The following MCHR2 variants were observed in gnomAD, a reference collection of about 807,000 sequenced individuals.
MCHR2 encodes the protein melanin-concentrating hormone receptor 2.
MCHR2 carries 15 observed loss-of-function variants against 24.8 expected under a neutral mutation model. The ratio of observed to expected loss-of-function variants is 0.60; its 90% CI spans 0.40 to 0.93. MCHR2 has a LOEUF of 0.93. Ranked by LOEUF, MCHR2 falls within the 40% of genes least tolerant of loss-of-function variation. The pLI, the probability that MCHR2 is intolerant of heterozygous loss-of-function variation, is 0.00. For synonymous variants in MCHR2, 151 were observed against 147.6 expected (o/e 1.02, Z -0.17); for missense variants, 386 against 408.7 (o/e 0.94, Z 0.48).
At chr6:99,989,752 T>C (rs1413003702) in intron 1 of MCHR2, among the ~76,000 whole-genome samples, 3 of 152,184 alleles carry the variant, frequency 2.0e-5, no homozygotes, top group Admixed American at 2.0e-4. Flanking sequence ...AGGCTCTCTG[T>C]AAACAACAAA....
At chr6:99,946,604 C>T (rs1261530401) in intron 3 of MCHR2, among the ~76,000 whole-genome samples, 1 of 152,094 alleles carries the variant, frequency 6.6e-6, no homozygotes, top group Non-Finnish European at 1.5e-5. Flanking sequence ...GGCACTGTTA[C>T]ATACACATTT....
chr6:99,970,305 G>A (rs1420719184), intron 1 of MCHR2, among the ~76,000 whole-genome samples: 1 of 152,150 alleles, frequency 6.6e-6, no homozygotes, highest in Non-Finnish European at 1.5e-5. Context: ...TTTCTCTGAT[G>A]GCCAGTGATG....
intron 4 of MCHR2, 43 bp downstream of exon 4, chr6:99,942,906 A>G (rs200258657): frequency 2.6e-6 from 4 of 1,529,200 alleles, no homozygotes; most frequent in Non-Finnish European, 3.6e-6. Flanking sequence ...GAAGTTCTTC[A>G]CAACTTAATT....
chr6:99,975,369 G>T (rs1440401022), intron 1 of MCHR2, among the ~76,000 whole-genome samples: 1 of 152,204 alleles, frequency 6.6e-6, no homozygotes, highest in African/African-American at 2.4e-5. Flanking sequence ...AGGACCCTCT[G>T]AGCCAGGTGC....
intron 5 of MCHR2, among the ~76,000 whole-genome samples, chr6:99,923,672 C>A (rs1222186097): frequency 6.6e-6 from 1 of 151,782 alleles, no homozygotes; most frequent in Admixed American, 6.6e-5. Context: ...TTTAAATGAT[C>A]ATATGTTGAT....
At chr6:99,990,407 A>C (rs896317184) in intron 1 of MCHR2, among the ~76,000 whole-genome samples, 36 of 152,216 alleles carry the variant, frequency 2.4e-4, no homozygotes, top group Non-Finnish European at 3.7e-4. Flanking sequence ...GTGTGTATTC[A>C]TTTACCCTGT....
chr6:99,993,315 C>T (rs1241703267), intron 1 of MCHR2, among the ~76,000 whole-genome samples: 1 of 152,198 alleles, frequency 6.6e-6, no homozygotes, highest in Non-Finnish European at 1.5e-5. Flanking sequence ...ACTAACTTCC[C>T]TAGGGCCACT....
chr6:99,988,975 T>G (rs949018102), intron 1 of MCHR2, among the ~76,000 whole-genome samples: 1 of 152,228 alleles, frequency 6.6e-6, no homozygotes, highest in African/African-American at 2.4e-5. Flanking sequence ...CCAGCCTGAA[T>G]GTCTCCATGA....
rs199738310 is a variant in MCHR2, at chr6:99,921,204, C to T, written c.759G>A (p.Val253=). The T allele has an allele frequency of 6.2e-7, 1 of 1,614,164 alleles. No individual in the cohort carries two copies. The highest frequency in any genetic ancestry group is 8.5e-7 in the Non-Finnish European group (1 of 1,180,020). The change falls in exon 6 of 6, where the codon GTG becomes GTA. Residue 253 remains valine, a synonymous_variant. Transcript: ENST00000281806. ...GGATAAAGACTACCACCAGCACCAGCACCATCTTTGTCAACTTCATCACTC... is the reference window on the plus strand; with the variant it reads ...GGATAAAGACTACCACCAGCACCAGTACCATCTTTGTCAACTTCATCACTC... ...KQRVMKLTKM[V]LVLVVVFILS...
intron 1 of MCHR2, among the ~76,000 whole-genome samples, chr6:99,979,952 C>T (rs1353680947): frequency 2.6e-5 from 4 of 152,182 alleles, no homozygotes; most frequent in Non-Finnish European, 5.9e-5. Context: ...TGGCTTGGCA[C>T]TTTGCTCAAC....
intron 1 of MCHR2, among the ~76,000 whole-genome samples, chr6:99,978,231 C>T (rs1029403562): frequency 1.3e-5 from 2 of 152,150 alleles, no homozygotes; most frequent in Admixed American, 6.5e-5. Context: ...AGAATGTAGA[C>T]TTTCATCTCT....
intron 1 of MCHR2, among the ~76,000 whole-genome samples, chr6:99,960,591 G>C (rs1775165961): frequency 6.6e-6 from 1 of 152,070 alleles, no homozygotes; most frequent in Non-Finnish European, 1.5e-5. Context: ...ATACTACAAG[G>C]CTACAGTAAC....
intron 1 of MCHR2, among the ~76,000 whole-genome samples, chr6:99,981,127 C>G (rs913502612): frequency 2.0e-5 from 3 of 152,152 alleles, no homozygotes; most frequent in Admixed American, 6.5e-5. Flanking sequence ...TTCTAGCTGT[C>G]AATCCTTTTG....
At chr6:99,928,340 C>A (rs543622671) in intron 5 of MCHR2, among the ~76,000 whole-genome samples, 1 of 151,208 alleles carries the variant, frequency 6.6e-6, no homozygotes, top group Non-Finnish European at 1.5e-5. Context: ...ATCAGGATGA[C>A]GCTGGCCTCA....
intron 2 of MCHR2, among the ~76,000 whole-genome samples, chr6:99,954,617 C>T (rs1775025273): frequency 6.6e-6 from 1 of 152,066 alleles, no homozygotes; most frequent in African/African-American, 2.4e-5. Context: ...TGCTTAGTTC[C>T]CCTGAACACA....
rs181648570 is a variant in MCHR2 at position 99,969,124 on chromosome 6, C to T, written c.-27-12950G>A. Among the ~76,000 whole-genome samples the T allele has an allele frequency of 5.2e-3, 786 of 152,246 alleles. 21 individuals carry two copies. The highest frequency in any genetic ancestry group is 0.037 in the Admixed American group (562 of 15,276). On this transcript the variant is annotated intron_variant, in intron 1 of 5. Coordinates refer to ENST00000281806, the MANE Select transcript of MCHR2 (RefSeq NM_001040179.2). ...TTTATAATTGTCTTAAATGTTTCCT[C>T]TAAATACATTTAGAATCACATCAGA...
rs1562124053 is a variant in MCHR2 at position 99,947,761 on chromosome 6, C to A, written c.392+1G>T. On this transcript the variant is annotated splice_donor_variant, in intron 3 of 5. Transcript: ENST00000281806. LOFTEE classifies it high-confidence loss of function. ...AAGATATTTCAAAGTCTTTCACTTACCTGTCCACACTCATTACAGTCATGA... is the reference window on the plus strand; with the variant it reads ...AAGATATTTCAAAGTCTTTCACTTAACTGTCCACACTCATTACAGTCATGA... 4 of 1,612,784 alleles carry A rather than the reference C, an allele frequency of 2.5e-6. No individual in the cohort carries two copies. The highest frequency in any genetic ancestry group is 3.4e-6 in the Non-Finnish European group (4 of 1,179,424).
Position 99,920,931 on chromosome 6 carries a change from T to C in MCHR2, c.*9A>G, listed in dbSNP as rs201596558. 1.5e-5 allele frequency: 24 copies of C among 1,612,510 alleles called. No homozygotes were observed. Among genetic ancestry groups the C allele is most frequent in the Non-Finnish European group, 2.0e-5 (24 of 1,178,992 alleles). ...TCATGTCTAGACTCATGGTGATCCA[T>C]GTACTTTCCTAAAAGTGTGATTTCA... On this transcript the variant is annotated 3_prime_UTR_variant, in exon 6 of 6. Coordinates refer to ENST00000281806, the MANE Select transcript of MCHR2 (RefSeq NM_001040179.2).
intron 5 of MCHR2, among the ~76,000 whole-genome samples, chr6:99,931,007 G>T (rs911958011): frequency 5.3e-5 from 8 of 152,186 alleles, no homozygotes; most frequent in Non-Finnish European, 8.8e-5. Context: ...GTGATGTACA[G>T]ATGGGTTTTT....
Sources: gnomAD v4.1 joint callset for allele counts (sites outside exome capture counted in the v4.1 genomes callset) on GRCh38, gnomAD v4.1.1 for gene constraint, MANE v1.5 for transcripts, NCBI Gene and HGNC (gene_info 2026-07-23, HGNC 2026-07-21) for gene names.